Variants in PLCE1 observed in about 807,000 individuals in gnomAD.
PLCE1 encodes phospholipase C epsilon 1.
A neutral mutation model predicts 242.8 loss-of-function variants in PLCE1; 119 were observed. The observed-to-expected ratio is 0.49, with a 90% confidence interval of 0.42 to 0.57. PLCE1 has a LOEUF of 0.57. PLCE1 is among the 20% of genes least tolerant of loss of function. The pLI is 0.00. For synonymous variants in PLCE1, 945 were observed against 1,017.4 expected, an observed-to-expected ratio of 0.93 and a Z score of 1.35; for missense variants, 2,441 against 2,788.8, an observed-to-expected ratio of 0.88 and a Z score of 2.81.
chr10:94,101,236 G>A (rs375648357), intron 2 of PLCE1, among the ~76,000 whole-genome samples: 77 of 152,280 alleles, frequency 5.1e-4, no homozygotes, highest in East Asian at 2.1e-3. Flanking sequence ...CTCACCCCTC[G>A]GGGCTTCGGT....
chr10:94,242,121 G>C (rs1232735761), intron 7 of PLCE1, among the ~76,000 whole-genome samples: 1 of 152,140 alleles, frequency 6.6e-6, no homozygotes, highest in African/African-American at 2.4e-5. Context: ...AAGCCATTGT[G>C]TAAGAGGACA....
intron 2 of PLCE1, chr10:94,120,715 A>G (rs1204293873): frequency 1.3e-5 from 2 of 152,184 alleles, no homozygotes; most frequent in Non-Finnish European, 2.9e-5. Flanking sequence ...TGCCCCTGGA[A>G]GTGATGCTCA....
chr10:94,244,200 T>A lies in PLCE1; in HGVS notation c.2421-1746T>A, dbSNP rs115492036. 3.6e-3 allele frequency among the ~76,000 whole-genome samples: 553 copies of A among 152,258 alleles called. 2 individuals carry two copies. Among genetic ancestry groups the A allele is most frequent in the African/African-American group, 0.013 (523 of 41,544 alleles). On this transcript the variant is annotated intron_variant, in intron 7 of 32. Transcript: ENST00000371380. ...GAATGGTAATCTTGTTCAGGGACCA[T>A]AGTCTAAACTGAGGAGTATCAACAA...
chr10:94,051,286 CAAAAAAAAAAAAA>C (rs869233995), intron 2 of PLCE1, among the ~76,000 whole-genome samples: 8 of 29,370 alleles, frequency 2.7e-4, no homozygotes, highest in African/African-American at 5.5e-4. Context: ...GACTCCAACT[CAAAAAAAAAAAAA>C]AAAAAAAAAA....
chr10:94,122,426 C>T (rs893106072), intron 2 of PLCE1, among the ~76,000 whole-genome samples: 1 of 152,116 alleles, frequency 6.6e-6, no homozygotes, highest in Non-Finnish European at 1.5e-5. Flanking sequence ...TATGATTCAT[C>T]CATATGGTAA....
chr10:94,258,970 C>A (rs1589433040), intron 12 of PLCE1, 44 bp from the exon 13 acceptor site: 1 of 1,614,032 alleles, frequency 6.2e-7, no homozygotes, highest in Non-Finnish European at 8.5e-7. Flanking sequence ...CCCCCCATTT[C>A]TATAAAGATA....
At chr10:94,155,811 G>C (rs1590141540) in intron 3 of PLCE1, 2 of 151,502 alleles carry the variant, frequency 1.3e-5, no homozygotes, top group Admixed American at 6.6e-5. Flanking sequence ...AGAGAGACAG[G>C]GTCTCACTCT....
At chr10:94,017,569 G>C (rs1274773365) in intron 1 of PLCE1, among the ~76,000 whole-genome samples, 1 of 152,206 alleles carries the variant, frequency 6.6e-6, no homozygotes, top group Admixed American at 6.5e-5. Context: ...AGCAGGAATA[G>C]TTTTTAAACT....
chr10:94,022,773 A>G (rs2061394635), intron 1 of PLCE1, among the ~76,000 whole-genome samples: 2 of 152,232 alleles, frequency 1.3e-5, no homozygotes, highest in South Asian at 4.1e-4. Context: ...TTTTCTGAAA[A>G]TTATATGGAA....
intron 4 of PLCE1, among the ~76,000 whole-genome samples, chr10:94,185,311 AG>A (rs1199156654): frequency 3.9e-5 from 6 of 152,262 alleles, no homozygotes; most frequent in African/African-American, 1.2e-4. Flanking sequence ...CCTGGCTAAT[AG>A]GGTGAAACCC....
chr10:93,998,775 T>G (rs557597261), intron 1 of PLCE1, among the ~76,000 whole-genome samples: 2 of 152,268 alleles, frequency 1.3e-5, no homozygotes, highest in Admixed American at 6.5e-5. Flanking sequence ...GATGTCCAAG[T>G]CTGAATGCCT....
chr10:94,160,878 T>G (rs939175979), intron 3 of PLCE1, among the ~76,000 whole-genome samples: 7 of 152,188 alleles, frequency 4.6e-5, no homozygotes, highest in African/African-American at 1.7e-4. Flanking sequence ...TTTCCCCATT[T>G]CTTGTTTTTG....
rs369558225 is a variant in PLCE1, at chr10:94,227,459, CA to C, written c.1955+9del. 188 of 1,612,712 alleles carry C rather than the reference CA, an allele frequency of 1.2e-4. No individual in the cohort carries two copies. In the African/African-American group the frequency reaches 2.0e-3, roughly 17 times the overall value. ...GTTCTTGGCTGGCCTCAGGTATAGT[CA>C]GTGGGGAATATGGTTATCTTGGCAC... is the stretch of plus-strand genomic sequence containing the variant. On this transcript the variant is annotated intron_variant, in intron 5 of 32. Coordinates refer to ENST00000371380, the MANE Select transcript of PLCE1 (RefSeq NM_016341.4).
chr10:94,109,160 G>A (rs912798224), intron 2 of PLCE1: 1 of 152,204 alleles, frequency 6.6e-6, no homozygotes, highest in Non-Finnish European at 1.5e-5. Context: ...GAATCTGGGA[G>A]CAGGATGAAG....
intron 1 of PLCE1, among the ~76,000 whole-genome samples, chr10:94,023,341 A>G (rs914216299): frequency 6.6e-6 from 1 of 152,202 alleles, no homozygotes; most frequent in Non-Finnish European, 1.5e-5. Flanking sequence ...TGGTGGGTCT[A>G]GTGCCATCTA....
At chr10:94,256,780 A>G (rs2051117249) in intron 11 of PLCE1, among the ~76,000 whole-genome samples, 1 of 152,238 alleles carries the variant, frequency 6.6e-6, no homozygotes, top group Non-Finnish European at 1.5e-5. Flanking sequence ...GAGGACAGGG[A>G]TCAGCACCCA....
At chr10:94,320,307 T>C (rs1302175319) in intron 29 of PLCE1, among the ~76,000 whole-genome samples, 1 of 152,116 alleles carries the variant, frequency 6.6e-6, no homozygotes, top group East Asian at 1.9e-4. Flanking sequence ...AAAAATCAAA[T>C]GGATTTTTTC....
intron 2 of PLCE1, among the ~76,000 whole-genome samples, chr10:94,044,178 A>T (rs1316559193): frequency 6.6e-6 from 1 of 152,192 alleles, no homozygotes; most frequent in Non-Finnish European, 1.5e-5. Flanking sequence ...TGCCGAGTAC[A>T]TTTAGTAGCT....
intron 22 of PLCE1, 95 bp from the exon 23 acceptor site, chr10:94,293,413 A>T: frequency 7.5e-7 from 1 of 1,338,680 alleles, no homozygotes; most frequent in Non-Finnish European, 1.1e-6. Flanking sequence ...CCAAGGGAGT[A>T]GTAGGACTTC....
Sources: allele counts gnomAD v4.1 joint callset (sites outside exome capture counted in the v4.1 genomes callset), GRCh38; gene constraint gnomAD v4.1.1; transcripts MANE v1.5; gene names NCBI Gene and HGNC (gene_info 2026-07-23, HGNC 2026-07-21).